Variants in TSHZ1 observed in about 807,000 individuals in gnomAD.
TSHZ1 encodes the protein teashirt homolog 1.
TSHZ1 carries 12 observed loss-of-function variants against 67.1 expected under a neutral mutation model. The ratio of observed to expected loss-of-function variants is 0.18; its 90% CI spans 0.11 to 0.29. The LOEUF (loss-of-function observed/expected upper bound fraction) is 0.29, where lower values mean the gene tolerates loss of function less well. Among genes scored for constraint, TSHZ1 ranks in the 10% least tolerant of loss-of-function variants. The probability of loss-of-function intolerance (pLI) is 1.00; values close to 1 mark genes in which losing one functional copy is unlikely to be tolerated. For synonymous variants in TSHZ1, 632 were observed against 622.4 expected (o/e 1.02, Z -0.23); for missense variants, 1,305 against 1,413.9 (o/e 0.92, Z 1.23).
chr18:75,241,300 T>TG (rs367977755), intron 1 of TSHZ1, among the ~76,000 whole-genome samples: 2,196 of 152,282 alleles, frequency 0.014, 35 homozygotes, highest in Middle Eastern at 0.054. Flanking sequence ...AGAAGAGCTA[T>TG]GCTATCTCTC....
intron 1 of TSHZ1, among the ~76,000 whole-genome samples, chr18:75,242,125 C>T (rs1457470512): frequency 2.0e-5 from 3 of 151,860 alleles, no homozygotes; most frequent in Non-Finnish European, 4.4e-5. Flanking sequence ...TTATTGAGGA[C>T]TGGAGGTAGA....
intron 1 of TSHZ1, among the ~76,000 whole-genome samples, chr18:75,244,092 C>G (rs2023192189): frequency 6.6e-6 from 1 of 152,100 alleles, no homozygotes; most frequent in Non-Finnish European, 1.5e-5. Flanking sequence ...TAGATCGGAG[C>G]AGGAAGGAGC....
chr18:75,212,586 G>T (rs1307563989), intron 1 of TSHZ1, among the ~76,000 whole-genome samples: 1 of 152,150 alleles, frequency 6.6e-6, no homozygotes, highest in Non-Finnish European at 1.5e-5. Flanking sequence ...ATGTGTGATT[G>T]ATCGCCTGTC....
intron 1 of TSHZ1, chr18:75,244,571 A>G (rs1015393805): frequency 6.6e-6 from 1 of 152,232 alleles, no homozygotes; most frequent in Non-Finnish European, 1.5e-5. Context: ...GCCTTCTGGC[A>G]GGTAGACCAG....
At chr18:75,237,188 G>A (rs957372585) in intron 1 of TSHZ1, among the ~76,000 whole-genome samples, 1 of 152,188 alleles carries the variant, frequency 6.6e-6, no homozygotes, top group Non-Finnish European at 1.5e-5. Flanking sequence ...CTGCACCTTG[G>A]TGTGAATCTT....
At position 75,287,915 on chromosome 18, in the gene TSHZ1, A is replaced by G. The variant is rs78961991; in HGVS notation, c.2508A>G (p.Ala836=). Residue 836 remains alanine, a synonymous_variant, in exon 2 of 2, where the codon GCA becomes GCG. Coordinates refer to ENST00000580243, the MANE Select transcript of TSHZ1 (RefSeq NM_001308210.2). This position sits in a 1 kb window ranked among gnomAD's most constrained non-coding sequence, Gnocchi z 5.0. ...TGGCATCACCTCTGCGGGAGAGCGCACTCATGGACATCTCCGACATGGTGA... is the reference window on the plus strand; with the variant it reads ...TGGCATCACCTCTGCGGGAGAGCGCGCTCATGGACATCTCCGACATGGTGA... ...DSVASPLRES[A]LMDISDMVKN... 8.7e-4 allele frequency: 1,411 copies of G among 1,614,134 alleles called. 11 individuals carry two copies. In the African/African-American group the frequency reaches 0.017, roughly 19 times the overall value.
chr18:75,220,241 C>T (rs1393502930), intron 1 of TSHZ1, among the ~76,000 whole-genome samples: 3 of 152,024 alleles, frequency 2.0e-5, no homozygotes, highest in African/African-American at 2.4e-5. Context: ...AATTTTTTTG[C>T]GTGTGTGCCT....
chr18:75,228,207 A>G (rs1292046884), intron 1 of TSHZ1, among the ~76,000 whole-genome samples: 2 of 152,226 alleles, frequency 1.3e-5, no homozygotes, highest in Non-Finnish European at 2.9e-5. Flanking sequence ...TTTCAGTCTT[A>G]AAGAGACAGC....
intron 1 of TSHZ1, among the ~76,000 whole-genome samples, chr18:75,256,876 G>T (rs965194854): frequency 5.3e-5 from 8 of 152,184 alleles, no homozygotes; most frequent in Admixed American, 5.2e-4. Flanking sequence ...GTAGCTGGAG[G>T]TTTGATGCTT....
intron 1 of TSHZ1, among the ~76,000 whole-genome samples, chr18:75,279,650 C>T (rs1054850171): frequency 6.6e-6 from 1 of 152,218 alleles, no homozygotes; most frequent in African/African-American, 2.4e-5. Context: ...GCCTCTCTGG[C>T]AGTGCGGGGC....
intron 1 of TSHZ1, chr18:75,284,803 C>G (rs1337196007): frequency 6.6e-6 from 1 of 152,326 alleles, no homozygotes; most frequent in African/African-American, 2.4e-5. Context: ...TGGTGCCTTC[C>G]AGCTTTTGGC....
chr18:75,223,819 A>G (rs753183226), intron 1 of TSHZ1, among the ~76,000 whole-genome samples: 1 of 152,092 alleles, frequency 6.6e-6, no homozygotes, highest in Non-Finnish European at 1.5e-5. Context: ...GAAGGCCGCT[A>G]TCCTGTGACT....
At chr18:75,233,634 CA>C (rs1208740727) in intron 1 of TSHZ1, among the ~76,000 whole-genome samples, 1 of 152,154 alleles carries the variant, frequency 6.6e-6, no homozygotes, top group Non-Finnish European at 1.5e-5. Flanking sequence ...TGGAAATCTG[CA>C]AGTGCTCATA....
intron 1 of TSHZ1, among the ~76,000 whole-genome samples, chr18:75,277,464 T>C (rs1169015021): frequency 6.6e-6 from 1 of 152,050 alleles, no homozygotes; most frequent in African/African-American, 2.4e-5. Flanking sequence ...ACTGTGTGGC[T>C]GTGTGTGGAC....
intron 1 of TSHZ1, among the ~76,000 whole-genome samples, chr18:75,258,279 A>G (rs766540742): frequency 6.6e-6 from 1 of 152,190 alleles, no homozygotes; most frequent in Non-Finnish European, 1.5e-5. Context: ...CCCAAGCGAC[A>G]TTTATTTTGT....
At chr18:75,234,482 A>G (rs2023041235) in intron 1 of TSHZ1, among the ~76,000 whole-genome samples, 1 of 152,206 alleles carries the variant, frequency 6.6e-6, no homozygotes, top group Non-Finnish European at 1.5e-5. Context: ...CAATTGCTCC[A>G]AAATCTAATA....
intron 1 of TSHZ1, among the ~76,000 whole-genome samples, chr18:75,230,720 C>T (rs1336451712): frequency 2.0e-5 from 3 of 152,212 alleles, no homozygotes; most frequent in Admixed American, 6.5e-5. Flanking sequence ...ACGTCGTCTT[C>T]TTCCCCGATT....
rs766712736 is a variant in TSHZ1, at chr18:75,287,315, G to T, written c.1908G>T (p.Val636=). The T allele has an allele frequency of 6.2e-7, 1 of 1,614,172 alleles. No homozygotes were observed. Among genetic ancestry groups the T allele is most frequent in the Non-Finnish European group, 8.5e-7 (1 of 1,180,024 alleles). Residue 636 remains valine (V), a synonymous_variant, in exon 2 of 2, where the codon GTG becomes GTT. Coordinates refer to ENST00000580243, the MANE Select transcript of TSHZ1 (RefSeq NM_001308210.2). The surrounding 1 kb of genome is among the most constrained non-coding windows in gnomAD (Gnocchi z 5.0). ...CGCCCCCACCGCACAAGAGCAACGT[G>T]TCTGCCATGGAGGAGCTGGTGGAGA... is the stretch of plus-strand genomic sequence containing the variant. The part of the protein sequence containing the change: ...SLTPPPHKSN[V]SAMEELVEKV...
chr18:75,238,971 G>C (rs1282867790), intron 1 of TSHZ1, among the ~76,000 whole-genome samples: 1 of 152,250 alleles, frequency 6.6e-6, no homozygotes, highest in Admixed American at 6.5e-5. Flanking sequence ...CTCACGCACT[G>C]TCCAGCTTCC....
Sources: gnomAD v4.1 joint callset for allele counts (sites outside exome capture counted in the v4.1 genomes callset) on GRCh38, gnomAD v4.1.1 for gene constraint, Gnocchi (gnomAD v3.1) non-coding constraint, MANE v1.5 for transcripts, NCBI Gene and HGNC (gene_info 2026-07-23, HGNC 2026-07-21) for gene names.